NEK6: variants seen among roughly 807,000 people sequenced by gnomAD.
The protein encoded by NEK6 is NIMA related kinase 6.
Under a neutral mutation model 43.5 loss-of-function variants are expected in NEK6, and 27 were observed. The ratio of observed to expected loss-of-function variants is 0.62; its 90% confidence interval spans 0.46 to 0.86. The LOEUF (loss-of-function observed/expected upper bound fraction) is 0.86. NEK6 is among the 40% of genes least tolerant of loss of function. The probability of loss-of-function intolerance (pLI) is 0.00; values close to 1 mark genes in which losing one functional copy is unlikely to be tolerated. For missense variants in NEK6, 318 were observed against 414.4 expected (o/e 0.77, Z 2.02); for synonymous variants, 167 against 164.1 (o/e 1.02, Z -0.14).
rs1350881344 is a variant in NEK6, at chr9:124,321,586, G to T, written c.405+17G>T. 1 of 1,527,462 alleles carries T rather than the reference G, an allele frequency of 6.5e-7. No individual in the cohort carries two copies. Among genetic ancestry groups the T allele is most frequent in the Admixed American group, 1.7e-5 (1 of 59,856 alleles). 94.6% of individuals were successfully genotyped at this position (1,527,462 alleles called of 1,614,324 possible). ...ATGATCAAGGTGAGCGCCTGGCGGG[G>T]TGGGGGTGCTGGGGGCTGCGCAGAT... On this transcript the variant is annotated intron_variant, in intron 5 of 9. Coordinates refer to ENST00000320246, the MANE Select transcript of NEK6 (RefSeq NM_014397.6).
chr9:124,333,424 G>A (rs748659), intron 7 of NEK6, among the ~76,000 whole-genome samples: 11,051 of 152,216 alleles, frequency 0.073, 979 homozygotes, highest in East Asian at 0.46. Flanking sequence ...CCCCTCCCCT[G>A]GGTCAGGGGG....
At chr9:124,291,714 C>A in intron 1 of NEK6, 2 of 514,346 alleles carry the variant, frequency 3.9e-6, no homozygotes, top group Non-Finnish European at 5.0e-6. Context: ...GGGGAGCGAG[C>A]ACAAGGACCA....
In NEK6 at chr9:124,258,141, C is replaced by T. The variant is rs1176694207; in HGVS notation, c.-30+56C>T. 3 of 976,672 alleles carry T rather than the reference C, an allele frequency of 3.1e-6. No individual in the cohort carries two copies. The African/African-American group carries it at 5.3e-5, about 17-fold the overall frequency. The allele number at this position is 976,672 out of a possible 1,614,324, so 60.5% of individuals were successfully genotyped here. A position where few individuals can be genotyped will look rare whatever the true frequency, so the allele number is the denominator to read the frequency against. ...TGGGGCCCCGCGGCCCGGAGAAGGG[C>T]GGGGGCCGGGCGGCGGGGCCGTCAC... On this transcript the variant is annotated intron_variant, in intron 1 of 9. Coordinates refer to ENST00000320246, the MANE Select transcript of NEK6 (RefSeq NM_014397.6).
At chr9:124,261,338 A>G (rs370686990) in intron 1 of NEK6, 9 of 938,196 alleles carry the variant, frequency 9.6e-6, no homozygotes, top group African/African-American at 3.6e-5. Flanking sequence ...TGTCAAAACA[A>G]TTGTCAAAAG....
chr9:124,333,694 G>A (rs945943773), intron 7 of NEK6, among the ~76,000 whole-genome samples: 4 of 151,966 alleles, frequency 2.6e-5, no homozygotes, highest in African/African-American at 9.7e-5. Flanking sequence ...GTGGCCCCCA[G>A]GTCTGGAGTT....
Position 124,351,878 on chromosome 9 carries a change from AATAAAAT to A in NEK6, c.*934_*940del, listed in dbSNP as rs1390601750. 6.6e-6 allele frequency: 1 copy of A among 152,478 alleles called. No individual in the cohort carries two copies. Among genetic ancestry groups the A allele is most frequent in the Non-Finnish European group, 1.5e-5 (1 of 68,044 alleles). The allele number at this position is 152,478 out of a possible 1,614,324, so 9.4% of individuals were successfully genotyped here. ...AGGATTGCTGACAGACAGAATTTGAAATAAAATATGCAAGTTAGCTAATACAAAAAGT... is the reference window on the plus strand; with the variant it reads ...AGGATTGCTGACAGACAGAATTTGAAATGCAAGTTAGCTAATACAAAAAGT... On this transcript the variant is annotated 3_prime_UTR_variant, in exon 10 of 10. Transcript: ENST00000320246.
intron 1 of NEK6, chr9:124,300,291 G>C (rs1467430370): frequency 6.6e-6 from 1 of 152,206 alleles, no homozygotes; most frequent in Non-Finnish European, 1.5e-5. Context: ...AGAGTGACTT[G>C]CACCCTGAGA....
intron 1 of NEK6, among the ~76,000 whole-genome samples, chr9:124,299,322 C>A (rs191990685): frequency 2.0e-5 from 3 of 152,314 alleles, no homozygotes; most frequent in Admixed American, 1.3e-4. Flanking sequence ...GAGCATGTCA[C>A]CCTGAGGGGT....
chr9:124,340,334 G>C (rs1432695362), intron 8 of NEK6, among the ~76,000 whole-genome samples: 1 of 152,192 alleles, frequency 6.6e-6, no homozygotes, highest in African/African-American at 2.4e-5. Flanking sequence ...GGTGTGGGGA[G>C]CATGAGCCAC....
rs1328675570 is a variant in NEK6, at chr9:124,292,207, C to T, written c.-29-9729C>T. The T allele has an allele frequency of 5.6e-6, 7 of 1,247,572 alleles. No individual in the cohort carries two copies. In the Admixed American group the frequency reaches 2.0e-4, roughly 35 times the overall value. 77.3% of individuals were successfully genotyped at this position (1,247,572 alleles called of 1,614,324 possible). ...AGGGCTGGAGCTCCAGGGACCTTGA[C>T]CTGGCTGCACCTCTGCCACCCACCG... On this transcript the variant is annotated intron_variant, in intron 1 of 9. Coordinates refer to ENST00000320246, the MANE Select transcript of NEK6 (RefSeq NM_014397.6).
At chr9:124,257,779 G>T, upstream of NEK6, 1 of 1,462,164 alleles carries the variant, frequency 6.8e-7, no homozygotes, top group South Asian at 1.3e-5. Context: ...CCTCGGCCGA[G>T]CGGATCGGCC....
chr9:124,304,767 G>A, intron 2 of NEK6, among the ~76,000 whole-genome samples: 1 of 152,156 alleles, frequency 6.6e-6, no homozygotes, highest in East Asian at 1.9e-4. Flanking sequence ...AGCCTTGAGA[G>A]CCAGCAGCAC....
intron 1 of NEK6, among the ~76,000 whole-genome samples, chr9:124,265,960 C>G (rs1429191752): frequency 6.6e-6 from 1 of 152,192 alleles, no homozygotes; most frequent in Non-Finnish European, 1.5e-5. Context: ...CTGTCACAAC[C>G]CCTTCTTAGG....
chr9:124,260,886 C>T (rs1372334861), intron 1 of NEK6, among the ~76,000 whole-genome samples: 2 of 152,186 alleles, frequency 1.3e-5, no homozygotes, highest in African/African-American at 2.4e-5. Context: ...GGATTTGAAC[C>T]CAGGCTTGTC....
intron 7 of NEK6, among the ~76,000 whole-genome samples, chr9:124,334,709 C>T (rs7862206): frequency 0.95 from 144,030 of 152,316 alleles, 68,582 homozygotes; most frequent in East Asian, 1. Context: ...GCAAAGGGAA[C>T]AGCACGTGCA....
At position 124,283,423 on chromosome 9, in the gene NEK6, T is replaced by C. The variant is rs147084236; in HGVS notation, c.-29-18513T>C. On this transcript the variant is annotated intron_variant, in intron 1 of 9. Coordinates refer to ENST00000320246, the MANE Select transcript of NEK6 (RefSeq NM_014397.6). ...ACCGGGCAGGGGTGGGGAAGTTGAG[T>C]GCACGGGTGTAGCACTGGACGGAGG... Among the ~76,000 whole-genome samples, 567 of 152,258 alleles carry C rather than the reference T, an allele frequency of 3.7e-3. 4 individuals are homozygous for C. The highest frequency in any genetic ancestry group is 0.021 in the Middle Eastern group (6 of 292).
rs1830283368 is a variant in NEK6, at chr9:124,351,711, G to C, written c.*764G>C. ...CCATGGGAAGGAAGCATGGGATATA[G>C]AAAAGCGAAGGGCTGTCCTTTACAA... is the stretch of plus-strand genomic sequence containing the variant. On this transcript the variant is annotated 3_prime_UTR_variant, in exon 10 of 10. Transcript: ENST00000320246. The C allele has an allele frequency of 6.6e-6, 1 of 152,188 alleles. No individual in the cohort carries two copies. The highest frequency in any genetic ancestry group is 1.5e-5 in the Non-Finnish European group (1 of 68,032). The allele number at this position is 152,188 out of a possible 1,614,324, so 9.4% of individuals were successfully genotyped here.
intron 7 of NEK6, among the ~76,000 whole-genome samples, chr9:124,331,418 C>T (rs1038568455): frequency 1.3e-5 from 2 of 151,866 alleles, no homozygotes; most frequent in African/African-American, 2.4e-5. Context: ...CAGAGCCCCA[C>T]GGGAAATCAG....
intron 1 of NEK6, among the ~76,000 whole-genome samples, chr9:124,283,069 C>T (rs545413307): frequency 9.2e-5 from 14 of 152,234 alleles, no homozygotes; most frequent in Non-Finnish European, 1.8e-4. Flanking sequence ...TCAGACGTTT[C>T]CGCCCTGACA....
Sources: allele counts gnomAD v4.1 joint callset (sites outside exome capture counted in the v4.1 genomes callset), GRCh38; gene constraint gnomAD v4.1.1; transcripts MANE v1.5; gene names NCBI Gene and HGNC (gene_info 2026-07-23, HGNC 2026-07-21).